The following RIMOC1 variants were observed in gnomAD, a reference collection of about 807,000 sequenced individuals.
RIMOC1 encodes RAB7A interacting MON1-CCZ1 complex subunit 1.
chr5:41,916,269 A>G, the RIMOC1 span: 2 of 374,526 alleles, frequency 5.3e-6, no homozygotes, highest in Non-Finnish European at 7.4e-6. Flanking sequence ...CAAAGACACA[A>G]AGCCAGTAAT....
the RIMOC1 span, among the ~76,000 whole-genome samples, chr5:41,916,742 C>A: frequency 6.6e-6 from 1 of 151,972 alleles, no homozygotes; most frequent in Admixed American, 6.6e-5. Flanking sequence ...GAGTGGACCC[C>A]AAAAAGGTCA....
the RIMOC1 span, among the ~76,000 whole-genome samples, chr5:41,905,314 A>G: frequency 5.3e-5 from 8 of 152,336 alleles, no homozygotes; most frequent in African/African-American, 1.9e-4. Flanking sequence ...ATTTTTTGCC[A>G]GATTATCATT....
At chr5:41,912,311 T>C in the RIMOC1 span, 1 of 603,184 alleles carries the variant, frequency 1.7e-6, no homozygotes, top group Non-Finnish European at 2.9e-6. Context: ...TAATAAGTAA[T>C]AAAGGGTTTA....
At chr5:41,916,697 T>C in the RIMOC1 span, among the ~76,000 whole-genome samples, 1 of 152,160 alleles carries the variant, frequency 6.6e-6, no homozygotes, top group Admixed American at 6.6e-5. Context: ...TGGGAGAAGT[T>C]CTATTCCTTA....
At chr5:41,912,252 A>G in the RIMOC1 span, 2 of 876,508 alleles carry the variant, frequency 2.3e-6, no homozygotes, top group Non-Finnish European at 1.8e-6. Context: ...AGTTTGTTAG[A>G]TTTCACTCTG....
At chr5:41,908,256 A>T in the RIMOC1 span, 1 of 148,100 alleles carries the variant, frequency 6.8e-6, no homozygotes, top group East Asian at 1.9e-4. Context: ...ATGCATATCT[A>T]TGTGATTTTT....
At chr5:41,917,081 A>G in the RIMOC1 span, 6 of 1,613,738 alleles carry the variant, frequency 3.7e-6, no homozygotes, top group Non-Finnish European at 5.1e-6. Flanking sequence ...CTGGGGATCG[A>G]AGTATTGTGC....
the RIMOC1 span, chr5:41,907,808 C>T: frequency 3.1e-6 from 5 of 1,607,516 alleles, no homozygotes; most frequent in African/African-American, 6.7e-5. Flanking sequence ...AAAGAATGTT[C>T]AAATCCATCA....
At chr5:41,909,599 C>A in the RIMOC1 span, 10 of 452,022 alleles carry the variant, frequency 2.2e-5, no homozygotes, top group Non-Finnish European at 3.4e-5. Context: ...TACATCTAGA[C>A]ATTTTGCCTA....
the RIMOC1 span, chr5:41,917,223 GACCCCTGAAAGA>G: frequency 4.3e-6 from 7 of 1,613,642 alleles, no homozygotes; most frequent in Non-Finnish European, 5.9e-6. Context: ...GTGTGTGAAG[GACCCCTGAAAGA>G]ACAAGAATGG....
chr5:41,912,493 G>A, the RIMOC1 span, among the ~76,000 whole-genome samples: 1 of 152,146 alleles, frequency 6.6e-6, no homozygotes, highest in Non-Finnish European at 1.5e-5. Flanking sequence ...ACCTGAGACT[G>A]GGTAATTTAT....
chr5:41,913,230 G>A, the RIMOC1 span, among the ~76,000 whole-genome samples: 1 of 152,170 alleles, frequency 6.6e-6, no homozygotes, highest in Non-Finnish European at 1.5e-5. Context: ...TCACTGGCCA[G>A]AATTTAATCA....
chr5:41,912,078 G>A, the RIMOC1 span: 1 of 1,596,772 alleles, frequency 6.3e-7, no homozygotes. Context: ...GTACCTTCTT[G>A]ATGGAATCAG....
chr5:41,916,817 T>TCAAAG, the RIMOC1 span, among the ~76,000 whole-genome samples: 5 of 152,224 alleles, frequency 3.3e-5, no homozygotes, highest in Non-Finnish European at 5.9e-5. Flanking sequence ...GTAATGGGCC[T>TCAAAG]CCTTTATCAG....
At chr5:41,906,724 G>A in the RIMOC1 span, among the ~76,000 whole-genome samples, 1 of 152,206 alleles carries the variant, frequency 6.6e-6, no homozygotes, top group South Asian at 2.1e-4. Flanking sequence ...TAAGGCAGCA[G>A]TCACATGATT....
chr5:41,916,442 T>C, the RIMOC1 span: 1 of 965,194 alleles, frequency 1.0e-6, no homozygotes, highest in Non-Finnish European at 1.2e-6. Context: ...ACTCTCTTTT[T>C]TTCTGGTAAT....
chr5:41,906,193 C>A, the RIMOC1 span, among the ~76,000 whole-genome samples: 27 of 152,094 alleles, frequency 1.8e-4, no homozygotes, highest in African/African-American at 6.5e-4. Context: ...AAATTTCTAG[C>A]CAATTTTTGT....
At chr5:41,918,720 C>G in the RIMOC1 span, 1 of 985,480 alleles carries the variant, frequency 1.0e-6, no homozygotes, top group African/African-American at 1.7e-5. Flanking sequence ...TGTGGCTGAG[C>G]CAAACTTCAT....
At chr5:41,914,581 G>C in the RIMOC1 span, among the ~76,000 whole-genome samples, 2 of 151,254 alleles carry the variant, frequency 1.3e-5, no homozygotes, top group African/African-American at 4.9e-5. Flanking sequence ...AAGACATAGT[G>C]AGACATCATC....
Sources: gnomAD v4.1 joint callset for allele counts (sites outside exome capture counted in the v4.1 genomes callset) on GRCh38, gnomAD v4.1.1 for gene constraint, MANE v1.5 for transcripts, NCBI Gene and HGNC (gene_info 2026-07-23, HGNC 2026-07-21) for gene names.